AGBL5: variants seen among roughly 807,000 people sequenced by gnomAD.
The protein encoded by AGBL5 is cytosolic carboxypeptidase-like protein 5.
AGBL5 carries 51 observed loss-of-function variants against 88.0 expected under a neutral mutation model. The observed-to-expected ratio is 0.58, with a 90% CI of 0.46 to 0.73. The LOEUF (loss-of-function observed/expected upper bound fraction) is 0.73, where lower values mean the gene tolerates loss of function less well. Ranked by LOEUF, AGBL5 falls within the 30% of genes least tolerant of loss-of-function variation. The pLI, the probability that AGBL5 is intolerant of heterozygous loss-of-function variation, is 0.00. For missense variants in AGBL5, 1,031 were observed against 1,162.2 expected (o/e 0.89, Z 1.64); for synonymous variants, 446 against 438.8 (o/e 1.02, Z -0.21).
At chr2:27,060,436 T>C (rs975222182) in intron 11 of AGBL5, among the ~76,000 whole-genome samples, 1 of 152,234 alleles carries the variant, frequency 6.6e-6, no homozygotes, top group African/African-American at 2.4e-5. Context: ...GAGATTGTTA[T>C]AGTGCCACTT....
At chr2:27,063,479 C>A (rs1021560472) in intron 11 of AGBL5, among the ~76,000 whole-genome samples, 4 of 152,030 alleles carry the variant, frequency 2.6e-5, no homozygotes, top group Non-Finnish European at 5.9e-5. Context: ...CCTGTAGTCC[C>A]AGCTACTCGG....
At chr2:27,064,997 G>C (rs1024891116) in intron 11 of AGBL5, among the ~76,000 whole-genome samples, 6 of 150,546 alleles carry the variant, frequency 4.0e-5, no homozygotes, top group Non-Finnish European at 7.4e-5. Context: ...TCAGTGATCC[G>C]CCTGCCTCAG....
At chr2:27,060,073 C>T (rs182390726) in intron 11 of AGBL5, among the ~76,000 whole-genome samples, 1 of 152,304 alleles carries the variant, frequency 6.6e-6, no homozygotes, top group Admixed American at 6.5e-5. Context: ...CGCTTGAACC[C>T]AGGAGGCAGA....
At chr2:27,069,454 C>T (rs2148308318) in intron 13 of AGBL5, 119 bp from the exon 14 acceptor site, 1 of 1,521,442 alleles carries the variant, frequency 6.6e-7, no homozygotes, top group East Asian at 2.3e-5. Context: ...TTCAATGTCC[C>T]AGTACCTCTA....
intron 11 of AGBL5, chr2:27,062,433 T>G (rs1668760342): frequency 6.6e-6 from 1 of 152,158 alleles, no homozygotes. Flanking sequence ...GCTAGGCACT[T>G]TTTAATCACT....
intron 11 of AGBL5, among the ~76,000 whole-genome samples, chr2:27,063,083 A>G (rs897232541): frequency 2.6e-5 from 4 of 152,226 alleles, no homozygotes; most frequent in African/African-American, 9.6e-5. Context: ...AAAGAGAGAT[A>G]AGTATTAGAA....
chr2:27,060,786 A>G (rs1668678824), intron 11 of AGBL5, among the ~76,000 whole-genome samples: 1 of 152,262 alleles, frequency 6.6e-6, no homozygotes, highest in African/African-American at 2.4e-5. Context: ...TCATCAGGAA[A>G]GGACACTTGT....
At chr2:27,056,165 G>C in intron 7 of AGBL5, 27 bp downstream of exon 7, 1 of 1,597,154 alleles carries the variant, frequency 6.3e-7, no homozygotes, top group Non-Finnish European at 8.5e-7. Flanking sequence ...TGTCATGTGA[G>C]TGTGAGAAGT....
At position 27,053,863 on chromosome 2, in the gene AGBL5, G is replaced by A; in HGVS notation, c.388-33G>A. On this transcript the variant is annotated intron_variant, in intron 3 of 14. Transcript: ENST00000360131. The surrounding 1 kb of genome is among the most constrained non-coding windows in gnomAD (Gnocchi z 4.9). ...AGGAGCTCAGTTCTGACAATGGCAT[G>A]TTGCCCCTCCCTCTTCCTCCTCTGC... 1 of 1,590,630 alleles carries A rather than the reference G, an allele frequency of 6.3e-7. No individual in the cohort carries two copies. Among genetic ancestry groups the A allele is most frequent in the Non-Finnish European group, 8.6e-7 (1 of 1,165,114 alleles).
Position 27,059,493 on chromosome 2 carries a change from C to T in AGBL5, c.2089+89C>T, listed in dbSNP as rs187145501. 12 of 1,583,564 alleles carry T rather than the reference C, an allele frequency of 7.6e-6. No individual in the cohort carries two copies. In the Admixed American group the frequency reaches 2.0e-4, roughly 26 times the overall value. On this transcript the variant is annotated intron_variant, in intron 11 of 14. Transcript: ENST00000360131. ...AAGAGCTTGAAGATATACTGTTGGC[C>T]CAGGACCAAGGGGTGAATCAATAAA...
intron 10 of AGBL5, 26 bp from the exon 11 acceptor site, chr2:27,059,164 G>T (rs887706893): frequency 6.2e-7 from 1 of 1,606,354 alleles, no homozygotes. Flanking sequence ...CCTGGCCCGG[G>T]TTAACTGGCA....
In AGBL5 at chr2:27,055,922, G is replaced by A; in HGVS notation, c.1149G>A (p.Arg383=). 1.9e-6 allele frequency: 3 copies of A among 1,614,224 alleles called. No homozygotes were observed. The highest frequency in any genetic ancestry group is 2.5e-6 in the Non-Finnish European group (3 of 1,180,048). The change falls in exon 7 of 15, where the codon AGG becomes AGA. Residue 383 remains arginine (R), a synonymous_variant. Coordinates refer to ENST00000360131, the MANE Select transcript of AGBL5 (RefSeq NM_021831.6). The part of the protein sequence containing the change: ...NEAQCGHSAD[R]HNAEAWKQTE... ...CTCAGTGTGGGCACTCAGCTGACAG[G>A]CATAACGCTGAAGCCTGGAAACAAA...
Position 27,055,788 on chromosome 2 carries a change from C to T in AGBL5, c.1015C>T (p.His339Tyr). ...AKAVLLYHHV[H>Y]SRLNSQSSSE... The stretch of plus-strand genomic sequence containing the variant: ...AGCTGTGCTTCTCTACCACCATGTG[C>T]ACTCTCGTCTGAACTCCCAGAGTTC... Residue 339 changes from histidine to tyrosine, a missense_variant, in exon 7 of 15, where the codon CAC becomes TAC. Physicochemically the swap from His to Tyr is moderately conservative, Grantham distance 83. Transcript: ENST00000360131. 6.2e-7 allele frequency: 1 copy of T among 1,614,212 alleles called. No individual in the cohort carries two copies. Among genetic ancestry groups the T allele is most frequent in the East Asian group, 2.2e-5 (1 of 44,882 alleles).
chr2:27,064,997 G>A (rs1024891116), intron 11 of AGBL5, among the ~76,000 whole-genome samples: 5 of 150,546 alleles, frequency 3.3e-5, no homozygotes, highest in Non-Finnish European at 4.4e-5. Flanking sequence ...TCAGTGATCC[G>A]CCTGCCTCAG....
At chr2:27,054,245 C>T (rs1572813744) in intron 4 of AGBL5, 186 bp downstream of exon 4, 3 of 657,108 alleles carry the variant, frequency 4.6e-6, no homozygotes, top group Non-Finnish European at 7.3e-6. Flanking sequence ...CTCAGCATAT[C>T]GACACCTGCC....
At chr2:27,058,367 C>T (rs1273758921) in intron 9 of AGBL5, 33 bp from the exon 10 acceptor site, 2 of 1,611,826 alleles carry the variant, frequency 1.2e-6, no homozygotes, top group East Asian at 2.2e-5. Context: ...ATGGGAGGAC[C>T]AGCATGCTGA....
Position 27,053,810 on chromosome 2 carries a change from T to C in AGBL5, c.388-86T>C. 1.1e-5 allele frequency: 16 copies of C among 1,512,064 alleles called. No individual in the cohort carries two copies. The highest frequency in any genetic ancestry group is 1.4e-5 in the Non-Finnish European group (16 of 1,121,124). 93.7% of individuals were successfully genotyped at this position (1,512,064 alleles called of 1,614,324 possible). ...GGGAAGTTGGTAAAGGTGATAAGGG[T>C]GTGAGGTCAGTTCCTGGTGGTCCCA... On this transcript the variant is annotated intron_variant, in intron 3 of 14. Coordinates refer to ENST00000360131, the MANE Select transcript of AGBL5 (RefSeq NM_021831.6). The surrounding 1 kb of genome is among the most constrained non-coding windows in gnomAD (Gnocchi z 4.9).
At chr2:27,054,309 AT>A in intron 4 of AGBL5, 1 of 555,316 alleles carries the variant, frequency 1.8e-6, no homozygotes, top group Middle Eastern at 4.7e-4. Context: ...GCTCCCATTA[AT>A]TATCCAGAGT....
Position 27,056,652 on chromosome 2 carries a change from C to G in AGBL5, c.1395C>G (p.Ile465Met). 6.2e-7 allele frequency: 1 copy of G among 1,612,214 alleles called. No homozygotes were observed. The highest frequency in any genetic ancestry group is 8.5e-7 in the Non-Finnish European group (1 of 1,178,726). Residue 465 changes from isoleucine (I) to methionine (M), a missense_variant, in exon 8 of 15, where the codon ATC becomes ATG. Around this residue, in one of 2 missense-constraint regions of AGBL5, gnomAD observed 540 missense variants for 678.2 expected, o/e 0.80. Transcript: ENST00000360131. ...AAAACATGCTATATCCAAAGCTCAT[C>G]TCCTTGAATTCAGCCCACTTCGACT... ...QVENMLYPKL[I>M]SLNSAHFDFQ...
Sources: gnomAD v4.1 joint callset for allele counts (sites outside exome capture counted in the v4.1 genomes callset) on GRCh38, gnomAD v4.1.1 for gene constraint, gnomAD v4.1.1 regional missense constraint, Gnocchi (gnomAD v3.1) non-coding constraint, MANE v1.5 for transcripts, NCBI Gene and HGNC (gene_info 2026-07-23, HGNC 2026-07-21) for gene names.